The following DOCK2 variants were observed in gnomAD, a reference collection of about 807,000 sequenced individuals.
DOCK2 encodes the protein dedicator of cytokinesis 2.
DOCK2 carries 87 observed loss-of-function variants against 248.9 expected under a neutral mutation model. That is an observed-to-expected ratio of 0.35 (90% CI 0.29 to 0.42). DOCK2 has a LOEUF of 0.42. Among genes scored for constraint, DOCK2 ranks in the 10% least tolerant of loss-of-function variants. DOCK2 has a pLI of 1.00. For synonymous variants in DOCK2, 805 were observed against 821.6 expected, an observed-to-expected ratio of 0.98 and a Z score of 0.35; for missense variants, 1,747 against 2,300.2, an observed-to-expected ratio of 0.76 and a Z score of 4.92.
chr5:170,039,757 G>A (rs986719818), intron 36 of DOCK2, among the ~76,000 whole-genome samples: 9 of 152,170 alleles, frequency 5.9e-5, no homozygotes, highest in African/African-American at 9.7e-5. Flanking sequence ...ATTGAGACAC[G>A]CATTGAGTGG....
In DOCK2 at chr5:170,081,882, G is replaced by A. The variant is rs958464049; in HGVS notation, c.5328G>A (p.Glu1776=). The change falls in exon 51 of 52, where the codon GAG becomes GAA. Residue 1776 remains glutamate, a synonymous_variant. Coordinates refer to ENST00000520908, the MANE Select transcript of DOCK2 (RefSeq NM_004946.3). ...TGGCAGGCATCCCTGGGTTGGATGA[G>A]GCCAACACATCTCCCCGCCTCAGCC... is the stretch of plus-strand genomic sequence containing the variant. ...LSVAGIPGLD[E]ANTSPRLSQT... is the part of the protein sequence containing the mutation. The A allele has an allele frequency of 6.8e-6, 11 of 1,613,700 alleles. No homozygotes were observed. Among genetic ancestry groups the A allele is most frequent in the African/African-American group, 2.7e-5 (2 of 74,806 alleles).
At chr5:169,971,711 A>T (rs1423194875) in intron 27 of DOCK2, among the ~76,000 whole-genome samples, 1 of 152,246 alleles carries the variant, frequency 6.6e-6, no homozygotes, top group East Asian at 1.9e-4. Flanking sequence ...CCTCGTCAGC[A>T]GAGCTGGCCT....
chr5:169,830,386 G>A (rs1476127963), intron 26 of DOCK2, among the ~76,000 whole-genome samples: 2 of 152,130 alleles, frequency 1.3e-5, no homozygotes, highest in African/African-American at 4.8e-5. Context: ...TATCCCCGGG[G>A]TTCTTGTCAA....
At chr5:169,850,218 G>C (rs1770552285) in intron 27 of DOCK2, among the ~76,000 whole-genome samples, 1 of 152,198 alleles carries the variant, frequency 6.6e-6, no homozygotes, top group African/African-American at 2.4e-5. Context: ...TTTAGTCAGT[G>C]AGGTTGGCAA....
At chr5:169,880,581 A>G (rs1433769966) in intron 27 of DOCK2, among the ~76,000 whole-genome samples, 2 of 152,230 alleles carry the variant, frequency 1.3e-5, no homozygotes, top group African/African-American at 4.8e-5. Context: ...CTAAGGGGGC[A>G]TTGATCTTTC....
At chr5:169,651,340 C>CTT (rs1281877112) in intron 1 of DOCK2, among the ~76,000 whole-genome samples, 4 of 152,094 alleles carry the variant, frequency 2.6e-5, no homozygotes, top group African/African-American at 9.7e-5. Flanking sequence ...GGAATGAATA[C>CTT]GGATCTTCAC....
chr5:170,065,682 G>C (rs1221188271), intron 44 of DOCK2, among the ~76,000 whole-genome samples: 2 of 152,148 alleles, frequency 1.3e-5, no homozygotes, highest in Non-Finnish European at 2.9e-5. Context: ...GCTTGTGCAG[G>C]GAAATTCCCT....
Position 169,996,179 on chromosome 5 carries a change from C to A in DOCK2, c.3072+15C>A, listed in dbSNP as rs1275371391. 3 of 1,612,562 alleles carry A rather than the reference C, an allele frequency of 1.9e-6. No individual in the cohort carries two copies. Among genetic ancestry groups the A allele is most frequent in the Non-Finnish European group, 2.5e-6 (3 of 1,179,316 alleles). ...TTGAGTTCCAGGTGAGTATAAGCCA[C>A]CAGAGCTACCCTTGGAGCTGCCCAG... On this transcript the variant is annotated intron_variant, in intron 30 of 51. Transcript: ENST00000520908.
chr5:169,695,765 A>G (rs745966277), intron 9 of DOCK2, 38 bp from the exon 10 acceptor site: 2 of 1,608,858 alleles, frequency 1.2e-6, no homozygotes, highest in Non-Finnish European at 1.7e-6. Context: ...TCCCCCATTC[A>G]GCACATGATG....
At position 169,942,306 on chromosome 5, in the gene DOCK2, A is replaced by C. The variant is rs146696219; in HGVS notation, c.2800-40762A>C. ...GACTTCTGACTTCTCTGAATCATGA[A>C]GTGGATCCATGCCTCTCCCATGGTC... is the stretch of plus-strand genomic sequence containing the variant. On this transcript the variant is annotated intron_variant, in intron 27 of 51. Transcript: ENST00000520908. Among the ~76,000 whole-genome samples the C allele has an allele frequency of 3.5e-3, 529 of 152,286 alleles. 5 individuals carry two copies. In the South Asian group the frequency reaches 0.043, roughly 12 times the overall value.
At chr5:169,838,644 G>T (rs1769746001) in intron 26 of DOCK2, among the ~76,000 whole-genome samples, 1 of 152,134 alleles carries the variant, frequency 6.6e-6, no homozygotes, top group African/African-American at 2.4e-5. Flanking sequence ...GAGTAGAAAG[G>T]GCTGGTTGGT....
intron 30 of DOCK2, among the ~76,000 whole-genome samples, chr5:170,006,922 G>T (rs538511762): frequency 6.6e-6 from 1 of 152,150 alleles, no homozygotes; most frequent in Non-Finnish European, 1.5e-5. Context: ...AGAGACTTAC[G>T]CAAAATACTC....
chr5:169,745,351 T>C (rs1332513494), intron 22 of DOCK2, among the ~76,000 whole-genome samples: 1 of 152,206 alleles, frequency 6.6e-6, no homozygotes, highest in East Asian at 1.9e-4. Context: ...AGAGCAATGA[T>C]AATCATGCTA....
intron 27 of DOCK2, among the ~76,000 whole-genome samples, chr5:169,948,162 CTTCA>C (rs888000048): frequency 4.1e-4 from 63 of 152,266 alleles, no homozygotes; most frequent in Middle Eastern, 3.4e-3. Context: ...AACCTCTTCT[CTTCA>C]TTCATTCACT....
intron 22 of DOCK2, among the ~76,000 whole-genome samples, 170 bp downstream of exon 22, chr5:169,718,961 T>A (rs2291270): frequency 1.3e-5 from 2 of 152,014 alleles, no homozygotes; most frequent in Non-Finnish European, 2.9e-5. Context: ...TTGTACCCTC[T>A]AAGTTCATTT....
chr5:169,995,308 C>T (rs112897323), intron 29 of DOCK2, among the ~76,000 whole-genome samples: 4 of 152,226 alleles, frequency 2.6e-5, no homozygotes, highest in African/African-American at 4.8e-5. Context: ...AGATTACAGG[C>T]GCAAGCCACT....
At chr5:170,014,241 C>T (rs1755424167) in intron 32 of DOCK2, among the ~76,000 whole-genome samples, 1 of 152,128 alleles carries the variant, frequency 6.6e-6, no homozygotes, top group Non-Finnish European at 1.5e-5. Flanking sequence ...TAATAACCAA[C>T]ATCGAGCACT....
At chr5:169,918,755 A>G (rs958921661) in intron 27 of DOCK2, among the ~76,000 whole-genome samples, 1 of 152,162 alleles carries the variant, frequency 6.6e-6, no homozygotes. Flanking sequence ...TCTACTAAAA[A>G]TACAAAAATT....
At chr5:169,680,959 G>T (rs1057217484) in intron 6 of DOCK2, among the ~76,000 whole-genome samples, 1 of 151,562 alleles carries the variant, frequency 6.6e-6, no homozygotes, top group Non-Finnish European at 1.5e-5. Context: ...AATAAATATT[G>T]TATGCACACT....
Sources: gnomAD v4.1 joint callset for allele counts (sites outside exome capture counted in the v4.1 genomes callset) on GRCh38, gnomAD v4.1.1 for gene constraint, MANE v1.5 for transcripts, NCBI Gene and HGNC (gene_info 2026-07-23, HGNC 2026-07-21) for gene names.